BICD1: variants seen among roughly 807,000 people sequenced by gnomAD.
BICD1 encodes the protein BICD cargo adaptor 1.
A neutral mutation model predicts 92.5 loss-of-function variants in BICD1; 35 were observed. That is an observed-to-expected ratio of 0.38 (90% CI 0.29 to 0.50). The LOEUF is 0.50. Ranked by LOEUF, BICD1 falls within the 20% of genes least tolerant of loss-of-function variation. The probability of loss-of-function intolerance (pLI) is 0.93; values close to 1 mark genes in which losing one functional copy is unlikely to be tolerated. For synonymous variants in BICD1, 429 were observed against 465.1 expected (o/e 0.92, Z 1.00); for missense variants, 950 against 1,189.8 (o/e 0.80, Z 2.97).
At chr12:32,244,205 G>T (rs966034938) in intron 2 of BICD1, among the ~76,000 whole-genome samples, 1 of 152,088 alleles carries the variant, frequency 6.6e-6, no homozygotes, top group Non-Finnish European at 1.5e-5. Context: ...ATACAAGATA[G>T]CCAATAATAC....
At chr12:32,367,840 T>C (rs1939584638) in intron 9 of BICD1, 95 bp downstream of exon 9, 1 of 1,065,082 alleles carries the variant, frequency 9.4e-7, no homozygotes, top group Non-Finnish European at 1.4e-6. Context: ...TACGCATCAT[T>C]GTATTTTGCT....
intron 1 of BICD1, among the ~76,000 whole-genome samples, chr12:32,118,091 A>ATTTTATTTTATTTTATTTTATTTTTT (rs1555126592): frequency 2.1e-5 from 1 of 46,832 alleles, no homozygotes; most frequent in African/African-American, 6.7e-5. Context: ...TATTTTATTT[A>ATTTTATTTTATTTTATTTTATTTTTT]TTTTTTTTGA....
intron 9 of BICD1, among the ~76,000 whole-genome samples, chr12:32,374,734 ATTTTTTTTTTTTT>A (rs1179747608): frequency 1.2e-5 from 1 of 80,122 alleles, no homozygotes. Flanking sequence ...CGCCCGGCTA[ATTTTTTTTTTTTT>A]TTTTTTTTTT....
At chr12:32,350,782 C>T (rs1938832268) in intron 8 of BICD1, among the ~76,000 whole-genome samples, 1 of 152,174 alleles carries the variant, frequency 6.6e-6, no homozygotes, top group Admixed American at 6.5e-5. Context: ...AAAAGCACAA[C>T]TCAAAATGGT....
chr12:32,364,179 G>A (rs1939442080), intron 8 of BICD1, among the ~76,000 whole-genome samples: 1 of 152,200 alleles, frequency 6.6e-6, no homozygotes, highest in African/African-American at 2.4e-5. Context: ...TAACTTGACT[G>A]TTGAATGGTT....
intron 4 of BICD1, among the ~76,000 whole-genome samples, chr12:32,316,273 G>T (rs1948498154): frequency 6.9e-6 from 1 of 144,974 alleles, no homozygotes; most frequent in Non-Finnish European, 1.5e-5. Context: ...ATGCATTTTG[G>T]ACATGATATT....
chr12:32,110,431 G>A (rs911307277), intron 1 of BICD1, among the ~76,000 whole-genome samples: 2 of 152,180 alleles, frequency 1.3e-5, no homozygotes, highest in Non-Finnish European at 2.9e-5. Flanking sequence ...GATGACTTCT[G>A]ACATCATCAA....
chr12:32,316,135 CAAAAAAA>C (rs79211021), intron 4 of BICD1, among the ~76,000 whole-genome samples: 109,539 of 144,216 alleles, frequency 0.76, 40,828 homozygotes, highest in Middle Eastern at 0.91. Flanking sequence ...GACCCTGTCT[CAAAAAAA>C]AAAAAAAAAA....
chr12:32,360,297 G>C (rs1179737612), intron 8 of BICD1, among the ~76,000 whole-genome samples: 1 of 152,064 alleles, frequency 6.6e-6, no homozygotes, highest in African/African-American at 2.4e-5. Context: ...ATGAACTTAT[G>C]AAAGATAGAG....
chr12:32,343,566 C>T (rs1399182228), intron 8 of BICD1, among the ~76,000 whole-genome samples: 1 of 152,184 alleles, frequency 6.6e-6, no homozygotes. Flanking sequence ...GCCTAAGCAG[C>T]TTGCTCTTCA....
chr12:32,147,018 C>T (rs1151020), intron 1 of BICD1, among the ~76,000 whole-genome samples: 27,344 of 151,622 alleles, frequency 0.18, 2,566 homozygotes, highest in East Asian at 0.22. Flanking sequence ...TAGCTCACTG[C>T]AGCCTCGACC....
chr12:32,334,832 C>T (rs1025552357), intron 6 of BICD1, among the ~76,000 whole-genome samples, 165 bp downstream of exon 6: 12 of 152,176 alleles, frequency 7.9e-5, no homozygotes, highest in African/African-American at 2.9e-4. Flanking sequence ...AAAAGCAAGC[C>T]TTCTGTGCTG....
chr12:32,220,084 A>T (rs1945470826), intron 2 of BICD1, among the ~76,000 whole-genome samples: 1 of 152,230 alleles, frequency 6.6e-6, no homozygotes, highest in Non-Finnish European at 1.5e-5. Flanking sequence ...CCTTATACAA[A>T]AACTAATTCA....
At chr12:32,178,326 A>G (rs530071240) in intron 1 of BICD1, among the ~76,000 whole-genome samples, 3 of 151,966 alleles carry the variant, frequency 2.0e-5, no homozygotes, top group South Asian at 4.2e-4. Context: ...TATGAGTGTT[A>G]AAGAAGAGCA....
At chr12:32,362,743 G>T (rs920442391) in intron 8 of BICD1, among the ~76,000 whole-genome samples, 1 of 152,146 alleles carries the variant, frequency 6.6e-6, no homozygotes. Context: ...CTTCCTAACT[G>T]TGTGACCTTG....
At chr12:32,236,012 A>G (rs1946061190) in intron 2 of BICD1, among the ~76,000 whole-genome samples, 1 of 151,160 alleles carries the variant, frequency 6.6e-6, no homozygotes, top group Non-Finnish European at 1.5e-5. Context: ...CTTTTTCATT[A>G]TTGTTATATC....
At chr12:32,294,500 A>AATCCC (rs1223562315) in intron 3 of BICD1, among the ~76,000 whole-genome samples, 2 of 152,036 alleles carry the variant, frequency 1.3e-5, no homozygotes, top group African/African-American at 4.8e-5. Flanking sequence ...GTGTTCCTGT[A>AATCCC]ATCCCAGCTA....
intron 1 of BICD1, among the ~76,000 whole-genome samples, chr12:32,185,268 C>A (rs1176855445): frequency 6.6e-6 from 1 of 152,266 alleles, no homozygotes; most frequent in African/African-American, 2.4e-5. Flanking sequence ...AAATCATAAG[C>A]AATTTATACT....
At chr12:32,334,997 C>A (rs976498944) in intron 6 of BICD1, among the ~76,000 whole-genome samples, 11 of 152,090 alleles carry the variant, frequency 7.2e-5, no homozygotes, top group East Asian at 1.9e-4. Context: ...AGGAAAAAAA[C>A]CCCACTTCCT....
Sources: allele counts gnomAD v4.1 joint callset (sites outside exome capture counted in the v4.1 genomes callset), GRCh38; gene constraint gnomAD v4.1.1; transcripts MANE v1.5; gene names NCBI Gene and HGNC (gene_info 2026-07-23, HGNC 2026-07-21).